The following ZNF726 variants were observed in gnomAD, a reference collection of about 807,000 sequenced individuals.
ZNF726 encodes zinc finger protein 726.
In ZNF726, 15 loss-of-function variants were observed where a neutral mutation model predicts 11.6. The ratio of observed to expected loss-of-function variants is 1.29; its 90% CI spans 0.86 to 1.99. The LOEUF (loss-of-function observed/expected upper bound fraction) is 1.99, where lower values mean the gene tolerates loss of function less well. ZNF726 is among the 30% of genes most tolerant of loss of function. The pLI, the probability that ZNF726 is intolerant of heterozygous loss-of-function variation, is 0.00. For synonymous variants in ZNF726, 295 were observed against 243.6 expected (o/e 1.21, Z -1.96); for missense variants, 890 against 725.6 (o/e 1.23, Z -2.60).
intron 3 of ZNF726, among the ~76,000 whole-genome samples, chr19:23,943,124 G>A (rs751408837): frequency 4.6e-5 from 7 of 152,090 alleles, no homozygotes; most frequent in African/African-American, 1.4e-4. Flanking sequence ...AGGTTCAAGC[G>A]ATTCTCCTGC....
intron 3 of ZNF726, chr19:23,921,608 A>G (rs910310090): frequency 3.3e-5 from 5 of 152,108 alleles, no homozygotes; most frequent in African/African-American, 1.2e-4. Context: ...CTGCTTGGTT[A>G]AATTTGTTCT....
chr19:23,939,026 T>C (rs1968294803), downstream of ZNF726, among the ~76,000 whole-genome samples: 1 of 152,024 alleles, frequency 6.6e-6, no homozygotes, highest in Non-Finnish European at 1.5e-5. Context: ...GTTAGATGAG[T>C]TAAGTTCTTT....
downstream of ZNF726, chr19:23,934,514 A>C (rs1968194845): frequency 2.7e-6 from 1 of 372,342 alleles, no homozygotes; most frequent in Non-Finnish European, 5.3e-6. Context: ...TTTCCATTGC[A>C]CCTTTATTGT....
At chr19:23,942,063 G>T (rs1968347029) in intron 3 of ZNF726, among the ~76,000 whole-genome samples, 1 of 151,902 alleles carries the variant, frequency 6.6e-6, no homozygotes, top group Non-Finnish European at 1.5e-5. Flanking sequence ...ACCTTAGATT[G>T]TCTGTGCTCT....
rs758791164 is a variant in ZNF726 at position 23,933,506 on chromosome 19, C to T, written c.1390C>T (p.Arg464Ter). 144 of 1,609,552 alleles carry T rather than the reference C, an allele frequency of 8.9e-5. No homozygotes were observed. The highest frequency in any genetic ancestry group is 8.3e-4 in the East Asian group (37 of 44,656). ...KCEECSKAFS[R>*]SSALTTHKRM... ...TGAAGAATGTAGTAAAGCATTTAGC[C>T]GATCCTCAGCCCTAACTACACATAA... The change falls in exon 4 of 4, where the codon CGA (arginine) becomes TGA (stop). Residue 464 changes from arginine to a stop codon, truncating the protein, a stop_gained. Coordinates refer to ENST00000594466, the MANE Select transcript of ZNF726 (RefSeq NM_001244038.2). LOFTEE classifies it low-confidence loss of function (END_TRUNC).
At chr19:23,928,556 A>G (rs890448004) in intron 3 of ZNF726, 1 of 152,156 alleles carries the variant, frequency 6.6e-6, no homozygotes, top group South Asian at 2.1e-4. Context: ...TGGTAATATC[A>G]ACCCATTTTA....
rs536049508 is a variant in ZNF726, at chr19:23,920,106, A to G, written c.226+24A>G. On this transcript the variant is annotated intron_variant, in intron 3 of 3. Transcript: ENST00000594466. ...AGGTAGGTGAGAGTGAATACAACAGATGACCTGGATGAGAGGTCCAACGTC... is the reference window on the plus strand; with the variant it reads ...AGGTAGGTGAGAGTGAATACAACAGGTGACCTGGATGAGAGGTCCAACGTC... The G allele has an allele frequency of 3.8e-5, 57 of 1,501,006 alleles. No homozygotes were observed. In the South Asian group the frequency reaches 6.2e-4, roughly 16 times the overall value. 93.0% of individuals were successfully genotyped at this position (1,501,006 alleles called of 1,614,324 possible). A position where few individuals can be genotyped will look rare whatever the true frequency, so the allele number is the denominator to read the frequency against.
intron 3 of ZNF726, among the ~76,000 whole-genome samples, chr19:23,940,129 C>A (rs1188279611): frequency 6.6e-6 from 1 of 152,002 alleles, no homozygotes; most frequent in Non-Finnish European, 1.5e-5. Context: ...GGTTATCATG[C>A]AAAATTTTTA....
chr19:23,921,941 G>A (rs112248481), intron 3 of ZNF726, among the ~76,000 whole-genome samples: 5 of 152,212 alleles, frequency 3.3e-5, no homozygotes, highest in African/African-American at 4.8e-5. Flanking sequence ...ATAGTATTGC[G>A]TTGGTGTCTG....
rs890124776 is a variant in ZNF726, at chr19:23,943,707, G to A, written c.322+118G>A. 5.5e-5 allele frequency: 24 copies of A among 438,906 alleles called. 1 individual carries two copies. In the South Asian group the frequency reaches 7.2e-4, roughly 13 times the overall value. The allele number at this position is 438,906 out of a possible 1,614,324, so 27.2% of individuals were successfully genotyped here. A position where few individuals can be genotyped will look rare whatever the true frequency, so the allele number is the denominator to read the frequency against. On this transcript the variant is annotated intron_variant, in intron 4 of 4. Coordinates refer to the ZNF726 transcript ENST00000334589. Reference sequence around the variant, plus strand: ...CTTCAGTGGAAAGATTTCCTAAAAAGCCTTTTTTTTTCCTCTAGCTCTGAA... The same window carrying A: ...CTTCAGTGGAAAGATTTCCTAAAAAACCTTTTTTTTTCCTCTAGCTCTGAA...
intron 3 of ZNF726, among the ~76,000 whole-genome samples, chr19:23,930,714 G>T (rs1383015276): frequency 1.3e-5 from 2 of 151,856 alleles, no homozygotes; most frequent in Admixed American, 6.6e-5. Context: ...CTATTTATTT[G>T]TGAGTCTATG....
intron 3 of ZNF726, among the ~76,000 whole-genome samples, chr19:23,939,988 GCTGA>G (rs1273377374): frequency 6.7e-6 from 1 of 148,932 alleles, no homozygotes; most frequent in African/African-American, 2.5e-5. Flanking sequence ...TGTTTACTCC[GCTGA>G]CTGTTTCATT....
At chr19:23,920,128 C>G in intron 3 of ZNF726, 46 bp downstream of exon 3, 1 of 1,339,782 alleles carries the variant, frequency 7.5e-7, no homozygotes, top group Non-Finnish European at 1.0e-6. Flanking sequence ...AGAGGTCCAA[C>G]GTCAAGAAGA....
chr19:23,923,183 T>G (rs1446194942), intron 3 of ZNF726, among the ~76,000 whole-genome samples: 1 of 152,122 alleles, frequency 6.6e-6, no homozygotes, highest in African/African-American at 2.4e-5. Context: ...TCTAACCATA[T>G]TCTGCTAAAT....
rs1294172347 is a variant in ZNF726, at chr19:23,915,887, C to T, written c.3+890C>T. Among the ~76,000 whole-genome samples, 5 of 152,060 alleles carry T rather than the reference C, an allele frequency of 3.3e-5. No homozygotes were observed. In the East Asian group the frequency reaches 9.7e-4, roughly 29 times the overall value. On this transcript the variant is annotated intron_variant, in intron 1 of 3. Coordinates refer to ENST00000594466, the MANE Select transcript of ZNF726 (RefSeq NM_001244038.2). ...GTGAGCCACTGCCCCCGTCCTAGTT[C>T]TTAATTTTTACAATCAAGGTGGAAA...
At position 23,932,385 on chromosome 19, in the gene ZNF726, G is replaced by C. The variant is rs751116616; in HGVS notation, c.269G>C (p.Gly90Ala). The C allele has an allele frequency of 5.3e-6, 8 of 1,507,996 alleles. No homozygotes were observed. The highest frequency in any genetic ancestry group is 1.8e-4 in the Middle Eastern group (1 of 5,600). The allele number at this position is 1,507,996 out of a possible 1,614,324, so 93.4% of individuals were successfully genotyped here. A position where few individuals can be genotyped will look rare whatever the true frequency, so the allele number is the denominator to read the frequency against. ...GCTCAAGACATTTGGCCAGAGCAGG[G>C]CGTGGAAGATTCTTTTCAAAAAGTA... Reference protein sequence around the residue: ...HFAQDIWPEQGVEDSFQKVIL... With the variant: ...HFAQDIWPEQAVEDSFQKVIL... Residue 90 changes from glycine to alanine, a missense_variant, in exon 4 of 4, where the codon GGC (glycine) becomes GCC (alanine). Transcript: ENST00000594466.
intron 3 of ZNF726, among the ~76,000 whole-genome samples, chr19:23,940,731 T>G (rs1968325545): frequency 6.6e-6 from 1 of 152,190 alleles, no homozygotes; most frequent in Non-Finnish European, 1.5e-5. Flanking sequence ...TGTTCCTAAG[T>G]ATTTTATTTT....
intron 3 of ZNF726, among the ~76,000 whole-genome samples, chr19:23,931,323 G>A (rs1403615744): frequency 6.6e-6 from 1 of 152,038 alleles, no homozygotes; most frequent in Non-Finnish European, 1.5e-5. Context: ...CTAACTTTTA[G>A]GATCTGTCAG....
intron 3 of ZNF726, among the ~76,000 whole-genome samples, chr19:23,940,368 C>T (rs577766300): frequency 4.6e-5 from 7 of 152,022 alleles, no homozygotes; most frequent in Non-Finnish European, 8.8e-5. Flanking sequence ...GGTCTATGTG[C>T]CTATTTTTAT....
Sources: allele counts gnomAD v4.1 joint callset (sites outside exome capture counted in the v4.1 genomes callset), GRCh38; gene constraint gnomAD v4.1.1; transcripts MANE v1.5; gene names NCBI Gene and HGNC (gene_info 2026-07-23, HGNC 2026-07-21).